The following STARD13 variants were observed in gnomAD, a reference collection of about 807,000 sequenced individuals.
STARD13 encodes StAR related lipid transfer domain containing 13.
STARD13 carries 62 observed loss-of-function variants against 106.4 expected under a neutral mutation model. The ratio of observed to expected loss-of-function variants is 0.58; its 90% CI spans 0.48 to 0.72. The LOEUF (loss-of-function observed/expected upper bound fraction) is 0.72, where lower values mean the gene tolerates loss of function less well. STARD13 is among the 30% of genes least tolerant of loss of function. The pLI is 0.00. For synonymous variants in STARD13, 565 were observed against 553.0 expected (o/e 1.02, Z -0.31); for missense variants, 1,387 against 1,424.0 (o/e 0.97, Z 0.42).
At chr13:33,111,484 A>C (rs540105) in intron 10 of STARD13, among the ~76,000 whole-genome samples, 1 of 151,988 alleles carries the variant, frequency 6.6e-6, no homozygotes, top group African/African-American at 2.4e-5. Context: ...TCAAGCTCCA[A>C]GGTAAAATCA....
chr13:33,326,896 T>C (rs1006108705), intron 1 of STARD13, among the ~76,000 whole-genome samples: 2 of 152,236 alleles, frequency 1.3e-5, no homozygotes, highest in African/African-American at 4.8e-5. Context: ...TTCTTCCATC[T>C]TGGACACTTC....
intron 1 of STARD13, among the ~76,000 whole-genome samples, chr13:33,173,551 C>T (rs143892866): frequency 3.0e-4 from 45 of 152,016 alleles, no homozygotes; most frequent in African/African-American, 9.9e-4. Context: ...TATCTTTTTG[C>T]ACTTTTAAAA....
chr13:33,451,086 C>A, the STARD13 span, among the ~76,000 whole-genome samples: 96 of 152,052 alleles, frequency 6.3e-4, no homozygotes, highest in African/African-American at 2.3e-3. Flanking sequence ...CACTATGTTG[C>A]CTAGGCCAGT....
the STARD13 span, among the ~76,000 whole-genome samples, chr13:33,385,218 AATATATATATATATATATAT>A: frequency 8.6e-4 from 29 of 33,568 alleles, 1 homozygote; most frequent in South Asian, 5.3e-3. Context: ...AAAGGTTCGG[AATATATATATATATATATAT>A]ATATATATAT....
the STARD13 span, among the ~76,000 whole-genome samples, chr13:33,634,109 T>G: frequency 1.3e-5 from 2 of 152,220 alleles, no homozygotes; most frequent in Admixed American, 6.5e-5. Context: ...CATATAAACA[T>G]GGATTGTTTA....
chr13:33,156,790 T>C (rs1042298823), intron 3 of STARD13, among the ~76,000 whole-genome samples: 1 of 152,248 alleles, frequency 6.6e-6, no homozygotes, highest in African/African-American at 2.4e-5. Flanking sequence ...GTGCCTGGTA[T>C]ATAATAAGCA....
chr13:33,170,119 C>A (rs1452723063), intron 1 of STARD13, among the ~76,000 whole-genome samples: 1 of 151,978 alleles, frequency 6.6e-6, no homozygotes, highest in East Asian at 1.9e-4. Flanking sequence ...CAGTCAATAA[C>A]AACTTATTTG....
At chr13:33,434,838 C>A in the STARD13 span, among the ~76,000 whole-genome samples, 2 of 146,202 alleles carry the variant, frequency 1.4e-5, no homozygotes, top group Non-Finnish European at 3.0e-5. Flanking sequence ...AAATAGTGAA[C>A]AAGACATGGA....
chr13:33,253,345 C>T (rs1890181050), intron 1 of STARD13, among the ~76,000 whole-genome samples: 1 of 152,184 alleles, frequency 6.6e-6, no homozygotes, highest in African/African-American at 2.4e-5. Context: ...GGTGTTAACA[C>T]ACAGACCATT....
At chr13:33,386,951 T>C in the STARD13 span, among the ~76,000 whole-genome samples, 2 of 152,270 alleles carry the variant, frequency 1.3e-5, no homozygotes, top group East Asian at 3.9e-4. Flanking sequence ...CTTTGCCAAT[T>C]CTGCATAGGC....
At chr13:33,448,431 C>A in the STARD13 span, among the ~76,000 whole-genome samples, 205 of 152,228 alleles carry the variant, frequency 1.3e-3, 1 homozygote, top group Admixed American at 3.8e-3. Context: ...CCACAAGTGA[C>A]AAAATATTCT....
chr13:33,566,229 G>A, the STARD13 span, among the ~76,000 whole-genome samples: 6 of 148,124 alleles, frequency 4.1e-5, 1 homozygote, highest in African/African-American at 1.5e-4. Flanking sequence ...TAATTATTCT[G>A]TTTTATTATT....
chr13:33,551,273 G>C, the STARD13 span, among the ~76,000 whole-genome samples: 1 of 152,230 alleles, frequency 6.6e-6, no homozygotes, highest in African/African-American at 2.4e-5. Context: ...GGGCTGGGAG[G>C]GTCTCTTTGG....
rs200597342 is a variant in STARD13, at chr13:33,111,870, T to G, written c.2515A>C (p.Thr839Pro). 2.5e-6 allele frequency: 4 copies of G among 1,613,760 alleles called. No individual in the cohort carries two copies. The highest frequency in any genetic ancestry group is 2.5e-6 in the Non-Finnish European group (3 of 1,179,642). ...SPRVIQKKYATGKPDQKDLNE... is the reference protein window; with the variant it reads ...SPRVIQKKYAPGKPDQKDLNE... ...AGGTCCTTTTGATCTGGCTTCCCAG[T>G]GGCATATTTCTTCTGTATGACTCTG... Residue 839 changes from threonine (T) to proline (P), a missense_variant, in exon 10 of 14, where the codon ACT becomes CCT. Physicochemically the swap from Thr to Pro is conservative, Grantham distance 38. Coordinates refer to ENST00000336934, the MANE Select transcript of STARD13 (RefSeq NM_178006.4).
chr13:33,203,438 A>G (rs1887193418), intron 1 of STARD13, among the ~76,000 whole-genome samples: 1 of 152,244 alleles, frequency 6.6e-6, no homozygotes, highest in African/African-American at 2.4e-5. Context: ...GAAGATTAGC[A>G]TATATTTATT....
the STARD13 span, among the ~76,000 whole-genome samples, chr13:33,387,212 C>G: frequency 6.6e-6 from 1 of 152,006 alleles, no homozygotes; most frequent in Admixed American, 6.5e-5. Flanking sequence ...GCTATATTGC[C>G]CATGCTGGTC....
the STARD13 span, among the ~76,000 whole-genome samples, chr13:33,362,886 G>C: frequency 8.0e-4 from 122 of 152,302 alleles, no homozygotes; most frequent in Non-Finnish European, 1.2e-3. Context: ...CCAGCACCTA[G>C]AGCAGTGTTT....
At chr13:33,643,879 G>C in the STARD13 span, among the ~76,000 whole-genome samples, 1 of 152,196 alleles carries the variant, frequency 6.6e-6, no homozygotes, top group Non-Finnish European at 1.5e-5. Context: ...GCTGAGAGAG[G>C]CTGGATGGGG....
At chr13:33,138,154 G>T (rs1424995248) in intron 4 of STARD13, among the ~76,000 whole-genome samples, 1 of 152,216 alleles carries the variant, frequency 6.6e-6, no homozygotes, top group Non-Finnish European at 1.5e-5. Context: ...TAGGTAAGAG[G>T]AAAGGTAAGA....
Sources: allele counts gnomAD v4.1 joint callset (sites outside exome capture counted in the v4.1 genomes callset), GRCh38; gene constraint gnomAD v4.1.1; transcripts MANE v1.5; gene names NCBI Gene and HGNC (gene_info 2026-07-23, HGNC 2026-07-21).